The following CATSPERD variants were observed in gnomAD, a reference collection of about 807,000 sequenced individuals.
CATSPERD encodes cation channel sperm-associated auxiliary subunit delta.
A neutral mutation model predicts 98.1 loss-of-function variants in CATSPERD; 86 were observed. That is an observed-to-expected ratio of 0.88 (90% CI 0.74 to 1.05). The LOEUF (loss-of-function observed/expected upper bound fraction) is 1.05, where lower values mean the gene tolerates loss of function less well. Ranked by LOEUF, CATSPERD falls within the 50% of genes least tolerant of loss-of-function variation. The pLI is 0.00. For synonymous variants in CATSPERD, 394 were observed against 390.2 expected (o/e 1.01, Z -0.12); for missense variants, 995 against 1,005.7 (o/e 0.99, Z 0.14).
At chr19:5,775,126 C>T (rs772739026) in intron 20 of CATSPERD, 59 of 374,644 alleles carry the variant, frequency 1.6e-4, no homozygotes, top group Non-Finnish European at 2.8e-4. Context: ...CAGACTGCCA[C>T]GGTTACTACT....
At chr19:5,738,061 C>A (rs2145724276) in intron 6 of CATSPERD, among the ~76,000 whole-genome samples, 1 of 151,856 alleles carries the variant, frequency 6.6e-6, no homozygotes, top group African/African-American at 2.4e-5. Context: ...TTAGAGGTAC[C>A]ACCCTCCACC....
chr19:5,754,393 CTTTTTTTTT>C (rs749080620), intron 13 of CATSPERD, 148 bp downstream of exon 13: 12 of 230,522 alleles, frequency 5.2e-5, no homozygotes, highest in East Asian at 1.0e-4. Context: ...GTCTCTGTGT[CTTTTTTTTT>C]TTTTTTTTTT....
chr19:5,776,174 G>T lies in CATSPERD; in HGVS notation c.1955G>T (p.Cys652Phe). The T allele has an allele frequency of 6.2e-7, 1 of 1,614,176 alleles. No homozygotes were observed. Among genetic ancestry groups the T allele is most frequent in the East Asian group, 2.2e-5 (1 of 44,878 alleles). Residue 652 changes from cysteine (C) to phenylalanine (F), a missense_variant, in exon 21 of 22, where the codon TGC becomes TTC. Cys to Phe is a radical substitution (Grantham distance 205). Coordinates refer to ENST00000381624, the MANE Select transcript of CATSPERD (RefSeq NM_152784.4). ...TGTCCCCCACAGAACTATGTGAGCT[G>T]CCACGACCCCAACAACAATGCCCCT... ...FFWNRENYVS[C>F]HDPNNNAPLR...
At chr19:5,746,338 C>T (rs558454635) in intron 9 of CATSPERD, among the ~76,000 whole-genome samples, 37 of 152,248 alleles carry the variant, frequency 2.4e-4, no homozygotes, top group African/African-American at 8.2e-4. Context: ...AGGTTTATTC[C>T]GCCAGCTTTA....
chr19:5,771,178 A>C, intron 19 of CATSPERD, 106 bp downstream of exon 19: 1 of 1,246,722 alleles, frequency 8.0e-7, no homozygotes, highest in Non-Finnish European at 1.1e-6. Flanking sequence ...GATCCCTCAA[A>C]ATGATGATGG....
chr19:5,730,844 C>CA (rs1224008662), intron 4 of CATSPERD, among the ~76,000 whole-genome samples: 3 of 151,378 alleles, frequency 2.0e-5, no homozygotes, highest in Non-Finnish European at 4.4e-5. Context: ...ACTAAAAATA[C>CA]AAAAAAATTA....
At chr19:5,776,877 CAA>C (rs35462774) in intron 21 of CATSPERD, among the ~76,000 whole-genome samples, 12 of 119,510 alleles carry the variant, frequency 1.0e-4, no homozygotes, top group Admixed American at 1.8e-4. Context: ...GACTCCATCT[CAA>C]AAAAAAAAAA....
chr19:5,752,943 G>A (rs931917796), intron 12 of CATSPERD, among the ~76,000 whole-genome samples: 1 of 150,758 alleles, frequency 6.6e-6, no homozygotes, highest in Non-Finnish European at 1.5e-5. Context: ...CAGGAGAATC[G>A]CTTGAACCTG....
intron 17 of CATSPERD, 66 bp from the exon 18 acceptor site, chr19:5,768,102 C>T (rs2056576989): frequency 6.9e-7 from 1 of 1,443,364 alleles, no homozygotes; most frequent in Non-Finnish European, 9.7e-7. Flanking sequence ...CCCTTTCTGT[C>T]CCATCCATAA....
intron 17 of CATSPERD, among the ~76,000 whole-genome samples, chr19:5,767,309 T>C: frequency 1.4e-5 from 1 of 71,632 alleles, no homozygotes; most frequent in African/African-American, 5.0e-5. Context: ...AGAGCGAGAC[T>C]CTGTCTCAAA....
Position 5,737,144 on chromosome 19 carries a change from AAC to A in CATSPERD, c.401_402del (p.His134ProfsTer8). On this transcript the variant is annotated frameshift_variant, in exon 6 of 22. Coordinates refer to ENST00000381624, the MANE Select transcript of CATSPERD (RefSeq NM_152784.4). LOFTEE classifies it high-confidence loss of function. ...AATTATATTTTCCTTTCAGGTATAA[AAC>A]ACCCTGTTACACATGTCTCTGGTGA... is the stretch of plus-strand genomic sequence containing the variant. The A allele has an allele frequency of 6.2e-7, 1 of 1,604,498 alleles. No individual in the cohort carries two copies. Among genetic ancestry groups the A allele is most frequent in the Non-Finnish European group, 8.5e-7 (1 of 1,171,488 alleles).
At chr19:5,775,304 T>C (rs994064723) in intron 20 of CATSPERD, 22 of 470,694 alleles carry the variant, frequency 4.7e-5, no homozygotes, top group African/African-American at 4.0e-4. Flanking sequence ...GTAAAGGCAG[T>C]CCCTCAAGCT....
intron 7 of CATSPERD, among the ~76,000 whole-genome samples, chr19:5,743,700 CTCTCTCTG>C (rs1467814863): frequency 8.9e-5 from 12 of 135,310 alleles, no homozygotes; most frequent in Non-Finnish European, 1.5e-4. Flanking sequence ...CTCTCTCTCT[CTCTCTCTG>C]TCTCTGTCTC....
At chr19:5,748,694 G>T (rs2056144345) in intron 10 of CATSPERD, among the ~76,000 whole-genome samples, 3 of 131,994 alleles carry the variant, frequency 2.3e-5, no homozygotes, top group Admixed American at 7.8e-5. Flanking sequence ...CATGAATTTT[G>T]TGATTATAAC....
At position 5,770,984 on chromosome 19, in the gene CATSPERD, G is replaced by A. The variant is rs953483515; in HGVS notation, c.1675G>A (p.Glu559Lys). ...DPGFQGQQSS[E>K]DLHVFYSYQQ... ...CGGCTTCCAGGGGCAGCAGTCCTCC[G>A]AGGACCTGCACGTGTTTTACTCCTA... Residue 559 changes from glutamate (E) to lysine (K), a missense_variant, in exon 19 of 22, where the codon GAG (glutamate) becomes AAG (lysine). Glu to Lys is a moderately conservative substitution (Grantham distance 56). Around this residue, in one of 3 missense-constraint regions of CATSPERD, gnomAD observed 762 missense variants for 773.7 expected, o/e 0.98. Transcript: ENST00000381624. The A allele has an allele frequency of 4.3e-6, 7 of 1,613,902 alleles. No individual in the cohort carries two copies. Among genetic ancestry groups the A allele is most frequent in the Non-Finnish European group, 5.1e-6 (6 of 1,179,916 alleles).
At chr19:5,724,706 A>G in intron 1 of CATSPERD, 102 bp from the exon 2 acceptor site, 2 of 1,238,054 alleles carry the variant, frequency 1.6e-6, no homozygotes, top group Non-Finnish European at 1.2e-6. Context: ...CCCCCCCAAA[A>G]AAGAACAGAT....
At chr19:5,737,069 A>G (rs2145720793) in intron 5 of CATSPERD, 69 bp from the exon 6 acceptor site, 1 of 1,116,172 alleles carries the variant, frequency 9.0e-7, no homozygotes, top group Admixed American at 2.0e-5. Flanking sequence ...AAACAAAACA[A>G]AAAACAAAAA....
intron 7 of CATSPERD, 141 bp from the exon 8 acceptor site, chr19:5,744,286 C>T: frequency 1.4e-6 from 1 of 690,384 alleles, no homozygotes; most frequent in African/African-American, 1.9e-5. Flanking sequence ...AATTGAGTGC[C>T]ATATTTCCAC....
In CATSPERD at chr19:5,739,320, T is replaced by TA; in HGVS notation, c.460-6_460-5insA. On this transcript the variant is annotated splice_polypyrimidine_tract_variant and splice_region_variant and intron_variant, in intron 6 of 21. Coordinates refer to ENST00000381624, the MANE Select transcript of CATSPERD (RefSeq NM_152784.4). The stretch of plus-strand genomic sequence containing the variant: ...TTCATTCTTTCTTTCTTTTTTTTTT[T>TA]TATAGCATGTCAGTAATTTGGTTTT... 3 of 1,400,548 alleles carry TA rather than the reference T, an allele frequency of 2.1e-6. No homozygotes were observed. The highest frequency in any genetic ancestry group is 2.0e-6 in the Non-Finnish European group (2 of 1,000,710). 86.8% of individuals were successfully genotyped at this position (1,400,548 alleles called of 1,614,324 possible). A position where few individuals can be genotyped will look rare whatever the true frequency, so the allele number is the denominator to read the frequency against.
Sources: allele counts gnomAD v4.1 joint callset (sites outside exome capture counted in the v4.1 genomes callset), GRCh38; gene constraint gnomAD v4.1.1; regional missense constraint gnomAD v4.1.1; transcripts MANE v1.5; gene names NCBI Gene and HGNC (gene_info 2026-07-23, HGNC 2026-07-21).